The following GMDS variants were observed in gnomAD, a reference collection of about 807,000 sequenced individuals.
The protein encoded by GMDS is GDP-mannose 4,6 dehydratase.
A neutral mutation model predicts 49.9 loss-of-function variants in GMDS; 20 were observed. The ratio of observed to expected loss-of-function variants is 0.40; its 90% CI spans 0.28 to 0.58. GMDS has a LOEUF of 0.58. GMDS is among the 20% of genes least tolerant of loss of function. GMDS has a pLI of 0.42. For missense variants in GMDS, 362 were observed against 481.4 expected (o/e 0.75, Z 2.32); for synonymous variants, 177 against 178.6 (o/e 0.99, Z 0.07).
chr6:2,037,964 C>G (rs1352522862), intron 4 of GMDS, among the ~76,000 whole-genome samples: 2 of 152,122 alleles, frequency 1.3e-5, no homozygotes, highest in Admixed American at 6.5e-5. Flanking sequence ...CAAAGATAAA[C>G]ATTTTAACTA....
intron 7 of GMDS, among the ~76,000 whole-genome samples, chr6:1,909,391 C>A (rs1403176210): frequency 6.6e-6 from 1 of 152,170 alleles, no homozygotes; most frequent in African/African-American, 2.4e-5. Flanking sequence ...AAATCAAAGA[C>A]CCAAAAGTAT....
At chr6:1,842,420 G>A (rs1757188408) in intron 7 of GMDS, among the ~76,000 whole-genome samples, 1 of 152,232 alleles carries the variant, frequency 6.6e-6, no homozygotes, top group African/African-American at 2.4e-5. Context: ...TCTAGCTAGG[G>A]AGATGGGAGA....
chr6:1,777,151 A>C (rs1359013667), intron 7 of GMDS, among the ~76,000 whole-genome samples: 1 of 152,266 alleles, frequency 6.6e-6, no homozygotes, highest in East Asian at 1.9e-4. Context: ...GGCATGGGCC[A>C]TACCCCTAAT....
At chr6:1,776,542 T>C (rs1033918519) in intron 7 of GMDS, among the ~76,000 whole-genome samples, 1 of 150,044 alleles carries the variant, frequency 6.7e-6, no homozygotes, top group Non-Finnish European at 1.5e-5. Flanking sequence ...AAAAAAAAAA[T>C]TTAGCTGAGC....
In GMDS at chr6:2,145,559, AAAT is replaced by A. The variant is rs1243781106; in HGVS notation, c.103-20831_103-20829del. 6.6e-5 allele frequency among the ~76,000 whole-genome samples: 10 copies of A among 150,798 alleles called. No homozygotes were observed. In the East Asian group the frequency reaches 1.7e-3, roughly 26 times the overall value. ...TCTCAAAATAAATAAATAAATAAAT[AAAT>A]AAATAAAATAAAGAGACAACCCAAT... is the stretch of plus-strand genomic sequence containing the variant. On this transcript the variant is annotated intron_variant, in intron 1 of 10. Coordinates refer to ENST00000380815, the MANE Select transcript of GMDS (RefSeq NM_001500.4).
At chr6:2,224,718 TA>T (rs1370430803) in intron 1 of GMDS, among the ~76,000 whole-genome samples, 1 of 152,148 alleles carries the variant, frequency 6.6e-6, no homozygotes, top group Non-Finnish European at 1.5e-5. Context: ...AACATGCAAA[TA>T]AGAGTTAGTT....
In GMDS at chr6:1,836,152, C is replaced by A. The variant is rs909481487; in HGVS notation, c.772-93566G>T. On this transcript the variant is annotated intron_variant, in intron 7 of 10. Transcript: ENST00000380815. The surrounding 1 kb of genome is among the most constrained non-coding windows in gnomAD (Gnocchi z 4.2). Reference sequence around the variant, plus strand: ...AAAGTGCTGGGATTACAGGCCTGAGCCACCGTGCCTGGCCTCGTTTGCTTT... The same window carrying A: ...AAAGTGCTGGGATTACAGGCCTGAGACACCGTGCCTGGCCTCGTTTGCTTT... 6.6e-6 allele frequency among the ~76,000 whole-genome samples: 1 copy of A among 152,210 alleles called. No homozygotes were observed. The highest frequency in any genetic ancestry group is 1.5e-5 in the Non-Finnish European group (1 of 68,042).
intron 7 of GMDS, among the ~76,000 whole-genome samples, chr6:1,770,399 T>G (rs1021102969): frequency 6.6e-6 from 1 of 152,238 alleles, no homozygotes; most frequent in Non-Finnish European, 1.5e-5. Context: ...TAAAGCTGTG[T>G]GGGACACAAG....
At chr6:2,175,995 C>T in intron 1 of GMDS, 2 of 1,534,874 alleles carry the variant, frequency 1.3e-6, no homozygotes, top group Admixed American at 2.0e-5. Context: ...GTGTACAAAA[C>T]TGGATCACAC....
At chr6:1,969,123 A>T (rs571181414) in intron 4 of GMDS, among the ~76,000 whole-genome samples, 1 of 151,612 alleles carries the variant, frequency 6.6e-6, no homozygotes, top group Non-Finnish European at 1.5e-5. Context: ...TTAGCTGGGC[A>T]TGGTGGCAGG....
chr6:2,206,967 T>A (rs1342419624), intron 1 of GMDS, among the ~76,000 whole-genome samples: 1 of 152,126 alleles, frequency 6.6e-6, no homozygotes, highest in Admixed American at 6.5e-5. Flanking sequence ...CTCCCAGAAG[T>A]CTTAGTGGTG....
intron 9 of GMDS, among the ~76,000 whole-genome samples, chr6:1,699,304 C>A (rs1245960668): frequency 1.3e-5 from 2 of 151,898 alleles, no homozygotes; most frequent in Non-Finnish European, 2.9e-5. Flanking sequence ...GGAGAAAGAA[C>A]AAGCTGGGTG....
At chr6:1,646,558 GT>G (rs1159022438) in intron 9 of GMDS, among the ~76,000 whole-genome samples, 1 of 151,898 alleles carries the variant, frequency 6.6e-6, no homozygotes, top group East Asian at 1.9e-4. Context: ...ATTGTGTTAT[GT>G]TTTTTTTAGA....
At chr6:1,783,170 G>GGA (rs1432973102) in intron 7 of GMDS, among the ~76,000 whole-genome samples, 8 of 152,044 alleles carry the variant, frequency 5.3e-5, no homozygotes, top group Admixed American at 1.3e-4. Flanking sequence ...GGAGAGGAGA[G>GGA]GAGAGAGGAG....
intron 7 of GMDS, among the ~76,000 whole-genome samples, chr6:1,820,581 AATT>A (rs1392670043): frequency 2.6e-5 from 4 of 152,298 alleles, no homozygotes; most frequent in African/African-American, 9.6e-5. Context: ...CATACAGATG[AATT>A]ATAATTCTAA....
chr6:1,913,659 A>G (rs1467477660), intron 7 of GMDS, among the ~76,000 whole-genome samples: 4 of 152,212 alleles, frequency 2.6e-5, no homozygotes, highest in Non-Finnish European at 4.4e-5. Flanking sequence ...AGCCCATAGT[A>G]TAAGTTTTCC....
chr6:2,009,149 T>C (rs1400828187), intron 4 of GMDS, among the ~76,000 whole-genome samples: 1 of 152,212 alleles, frequency 6.6e-6, no homozygotes, highest in Non-Finnish European at 1.5e-5. Flanking sequence ...TGGGAACACA[T>C]TTTAGGCTCT....
intron 7 of GMDS, among the ~76,000 whole-genome samples, chr6:1,877,360 C>T (rs1367769194): frequency 2.6e-5 from 4 of 152,032 alleles, no homozygotes; most frequent in Non-Finnish European, 4.4e-5. Flanking sequence ...ATACATCCAG[C>T]AGAGCATGGT....
chr6:1,630,128 A>G (rs1352140351), intron 9 of GMDS, among the ~76,000 whole-genome samples: 1 of 152,270 alleles, frequency 6.6e-6, no homozygotes, highest in Non-Finnish European at 1.5e-5. Flanking sequence ...ATTGTAGTTA[A>G]GCAAAAAGGG....
Sources: allele counts gnomAD v4.1 joint callset (sites outside exome capture counted in the v4.1 genomes callset), GRCh38; gene constraint gnomAD v4.1.1; non-coding constraint Gnocchi (gnomAD v3.1); transcripts MANE v1.5; gene names NCBI Gene and HGNC (gene_info 2026-07-23, HGNC 2026-07-21).